Variants in CAGE1 observed in about 807,000 individuals in gnomAD.
CAGE1 encodes cancer antigen 1.
Under a neutral mutation model 94.9 loss-of-function variants are expected in CAGE1, and 66 were observed. The observed-to-expected ratio is 0.70, with a 90% CI of 0.57 to 0.85. The LOEUF (loss-of-function observed/expected upper bound fraction) is 0.85. Among genes scored for constraint, CAGE1 ranks in the 40% least tolerant of loss-of-function variants. CAGE1 has a pLI of 0.00. For synonymous variants in CAGE1, 319 were observed against 321.0 expected (o/e 0.99, Z 0.07); for missense variants, 865 against 950.4 (o/e 0.91, Z 1.18).
intron 11 of CAGE1, among the ~76,000 whole-genome samples, chr6:7,343,720 A>G (rs1449297294): frequency 1.3e-5 from 2 of 152,214 alleles, no homozygotes; most frequent in African/African-American, 2.4e-5. Flanking sequence ...GATTATGATC[A>G]GGGATCATAT....
At chr6:7,341,966 T>C (rs1759193981) in intron 11 of CAGE1, 4 of 737,786 alleles carry the variant, frequency 5.4e-6, no homozygotes, top group South Asian at 2.7e-5. Flanking sequence ...ATCAGATCTA[T>C]GCAGAGCTTG....
At chr6:7,366,245 CAAAA>C (rs775283906) in intron 7 of CAGE1, among the ~76,000 whole-genome samples, 2 of 71,130 alleles carry the variant, frequency 2.8e-5, no homozygotes. Flanking sequence ...GACTCTGTCT[CAAAA>C]AAAAAAAAAA....
chr6:7,329,594 A>G (rs975605374), intron 13 of CAGE1, among the ~76,000 whole-genome samples: 4 of 152,216 alleles, frequency 2.6e-5, no homozygotes, highest in Non-Finnish European at 5.9e-5. Flanking sequence ...GCAACAGGTC[A>G]TATGAGAAAC....
intron 11 of CAGE1, among the ~76,000 whole-genome samples, chr6:7,337,944 C>A (rs1054871625): frequency 6.6e-6 from 1 of 152,126 alleles, no homozygotes; most frequent in Non-Finnish European, 1.5e-5. Context: ...AAAATTGACC[C>A]ATGAAAGAGA....
In CAGE1 at chr6:7,378,732, G is replaced by A. The variant is rs373825062; in HGVS notation, c.572C>T (p.Pro191Leu). 2.9e-5 allele frequency: 46 copies of A among 1,613,738 alleles called. No homozygotes were observed. The highest frequency in any genetic ancestry group is 4.5e-5 in the East Asian group (2 of 44,890). Reference protein sequence around the residue: ...EYFRQPPPRSPPLIHCSGEML... With the variant: ...EYFRQPPPRSLPLIHCSGEML... ...CTCTCCACTGCAGTGGATTAGAGGC[G>A]GGCTTCTAGGAGGAGGCTGTCTAAA... Residue 191 changes from proline to leucine, a missense_variant, in exon 4 of 14, where the codon CCG becomes CTG. Pro to Leu is a moderately conservative substitution (Grantham distance 98, BLOSUM62 -3). Transcript: ENST00000502583.
Position 7,387,213 on chromosome 6 carries a change from T to C in CAGE1, c.-23-17A>G. On this transcript the variant is annotated splice_polypyrimidine_tract_variant and intron_variant, in intron 1 of 13. Transcript: ENST00000502583. ...AGAAGACTTCTTTAAAAAAAAAATGTGTCTATTAGTAGGTATAAACAAAAA... is the reference window on the plus strand; with the variant it reads ...AGAAGACTTCTTTAAAAAAAAAATGCGTCTATTAGTAGGTATAAACAAAAA... The C allele has an allele frequency of 6.8e-7, 1 of 1,463,578 alleles. No homozygotes were observed. The highest frequency in any genetic ancestry group is 9.3e-7 in the Non-Finnish European group (1 of 1,073,912). The allele number at this position is 1,463,578 out of a possible 1,614,324, so 90.7% of individuals were successfully genotyped here.
chr6:7,370,151 C>T (rs1760491958), intron 5 of CAGE1, 86 bp from the exon 6 acceptor site: 3 of 1,003,790 alleles, frequency 3.0e-6, no homozygotes, highest in Non-Finnish European at 4.2e-6. Flanking sequence ...AAATGGCACT[C>T]TTAAAAACCT....
Position 7,373,228 on chromosome 6 carries a change from T to C in CAGE1, c.1591A>G (p.Ile531Val). 1.2e-6 allele frequency: 2 copies of C among 1,609,276 alleles called. No individual in the cohort carries two copies. Among genetic ancestry groups the C allele is most frequent in the South Asian group, 1.1e-5 (1 of 90,634 alleles). ...TCGTTGATTTGCTGCTGAAGTTTTA[T>C]ATTCTTCGTTCTTTCATTTTCAGAC... ...FMSENERTKN[I>V]KLQQQINEVK... Residue 531 changes from isoleucine (I) to valine (V), a missense_variant, in exon 5 of 14, where the codon ATA becomes GTA. Coordinates refer to ENST00000502583, the MANE Select transcript of CAGE1 (RefSeq NM_001170692.2).
At chr6:7,348,459 A>G (rs1190171570) in intron 11 of CAGE1, among the ~76,000 whole-genome samples, 1 of 152,194 alleles carries the variant, frequency 6.6e-6, no homozygotes, top group Non-Finnish European at 1.5e-5. Context: ...AGCCTACCCA[A>G]ATGAAAAGGA....
In CAGE1 at chr6:7,347,508, G is replaced by T. The variant is rs1759596162; in HGVS notation, c.2369+7533C>A. ...ACAGGGATCCAAAGCGAGGGTGGGG[G>T]GGGGGGTTGGGGGGGGCGGTGGGGG... On this transcript the variant is annotated intron_variant, in intron 11 of 13. Coordinates refer to ENST00000502583, the MANE Select transcript of CAGE1 (RefSeq NM_001170692.2). 3.0e-5 allele frequency: 4 copies of T among 133,660 alleles called. No homozygotes were observed. In the East Asian group the frequency reaches 1.0e-3, roughly 35 times the overall value. 8.3% of individuals were successfully genotyped at this position (133,660 alleles called of 1,614,324 possible). A position where few individuals can be genotyped will look rare whatever the true frequency, so the allele number is the denominator to read the frequency against.
intron 11 of CAGE1, among the ~76,000 whole-genome samples, chr6:7,350,036 C>T (rs1759713921): frequency 6.6e-6 from 1 of 151,494 alleles, no homozygotes; most frequent in Non-Finnish European, 1.5e-5. Context: ...TAAGGACTCA[C>T]ATAAACTTAA....
At chr6:7,342,135 A>G in intron 11 of CAGE1, 1 of 1,011,326 alleles carries the variant, frequency 9.9e-7, no homozygotes, top group Non-Finnish European at 1.6e-6. Context: ...CAGCTTCACA[A>G]TCACTCAGTT....
At chr6:7,377,280 A>G (rs1337517657) in intron 4 of CAGE1, among the ~76,000 whole-genome samples, 2 of 152,200 alleles carry the variant, frequency 1.3e-5, no homozygotes, top group African/African-American at 4.8e-5. Flanking sequence ...GGAAAGAACA[A>G]TCTTGCGAAA....
At position 7,326,850 on chromosome 6, in the gene CAGE1, A is replaced by C. The variant is rs767653082; in HGVS notation, c.*8T>G. 26 of 1,560,628 alleles carry C rather than the reference A, an allele frequency of 1.7e-5. No homozygotes were observed. The South Asian group carries it at 2.8e-4, about 17-fold the overall frequency. On this transcript the variant is annotated 3_prime_UTR_variant, in exon 14 of 14. Coordinates refer to ENST00000502583, the MANE Select transcript of CAGE1 (RefSeq NM_001170692.2). The stretch of plus-strand genomic sequence containing the variant: ...CAAAAATGATTACTGTTTAATCTTC[A>C]GGCTTGTTTAATCTAAATCATTTCT...
rs533196734 is a variant in CAGE1 at position 7,366,182 on chromosome 6, G to A, written c.2005-298C>T. On this transcript the variant is annotated intron_variant, in intron 7 of 13. Transcript: ENST00000502583. ...AATTGCTTGAACCTGGGAGGCGGAG[G>A]TTGCAGTGAGCCGAGATGGCGCCAT... Among the ~76,000 whole-genome samples the A allele has an allele frequency of 1.7e-4, 26 of 149,186 alleles. No individual in the cohort carries two copies. In the South Asian group the frequency reaches 4.6e-3, roughly 27 times the overall value.
intron 6 of CAGE1, 57 bp downstream of exon 6, chr6:7,369,862 C>T: frequency 6.8e-7 from 1 of 1,477,088 alleles, no homozygotes; most frequent in South Asian, 1.3e-5. Flanking sequence ...CTCTTTTTGT[C>T]CAACCCCAGT....
At chr6:7,340,996 G>A (rs1581661462) in intron 11 of CAGE1, 2 of 447,938 alleles carry the variant, frequency 4.5e-6, no homozygotes, top group Non-Finnish European at 8.8e-6. Context: ...AGGAAGCGGA[G>A]AGAGGAGCTG....
chr6:7,334,130 C>G (rs2113348407), intron 11 of CAGE1, 40 bp from the exon 12 acceptor site: 2 of 1,231,020 alleles, frequency 1.6e-6, no homozygotes, highest in Non-Finnish European at 1.1e-6. Context: ...CTAAAATGGA[C>G]TTTTCTAGAC....
chr6:7,388,265 C>T (rs918668057), intron 1 of CAGE1, among the ~76,000 whole-genome samples: 1 of 152,126 alleles, frequency 6.6e-6, no homozygotes, highest in African/African-American at 2.4e-5. Context: ...TCAGATCAGG[C>T]TCATTTCCCT....
Sources: gnomAD v4.1 joint callset for allele counts (sites outside exome capture counted in the v4.1 genomes callset) on GRCh38, gnomAD v4.1.1 for gene constraint, MANE v1.5 for transcripts, NCBI Gene and HGNC (gene_info 2026-07-23, HGNC 2026-07-21) for gene names.